Variants in LINGO2 observed in about 807,000 individuals in gnomAD.
LINGO2 encodes the protein leucine-rich repeat and immunoglobulin-like domain-containing nogo receptor-interacting protein 2.
LINGO2 carries 14 observed loss-of-function variants against 30.6 expected under a neutral mutation model. The observed-to-expected ratio is 0.46, with a 90% CI of 0.30 to 0.72. The LOEUF (loss-of-function observed/expected upper bound fraction) is 0.72, where lower values mean the gene tolerates loss of function less well. Ranked by LOEUF, LINGO2 falls within the 30% of genes least tolerant of loss-of-function variation. The pLI is 0.07. For synonymous variants in LINGO2, 317 were observed against 288.5 expected, an observed-to-expected ratio of 1.10 and a Z score of -1.00; for missense variants, 729 against 751.7, an observed-to-expected ratio of 0.97 and a Z score of 0.35.
chr9:28,650,966 G>A (rs1309748644), intron 1 of LINGO2, among the ~76,000 whole-genome samples: 12 of 152,056 alleles, frequency 7.9e-5, no homozygotes, highest in South Asian at 2.1e-4. Context: ...TGAGGTGGGC[G>A]GATCATCAGG....
intron 2 of LINGO2, among the ~76,000 whole-genome samples, chr9:28,460,248 C>G (rs73437492): frequency 2.8e-4 from 43 of 152,258 alleles, no homozygotes; most frequent in African/African-American, 9.6e-4. Context: ...ATACATTATG[C>G]ACAACACTCA....
the LINGO2 span, among the ~76,000 whole-genome samples, chr9:28,744,985 T>A: frequency 6.6e-6 from 1 of 152,006 alleles, no homozygotes; most frequent in Non-Finnish European, 1.5e-5. Context: ...TAGGTCTACA[T>A]AAGCCACTTA....
At chr9:29,106,609 T>A in the LINGO2 span, among the ~76,000 whole-genome samples, 66 of 152,318 alleles carry the variant, frequency 4.3e-4, no homozygotes, top group Non-Finnish European at 8.5e-4. Context: ...ATTTGCTAGC[T>A]GACTGAATAC....
At chr9:28,004,872 G>A (rs758086229) in intron 5 of LINGO2, among the ~76,000 whole-genome samples, 1 of 152,158 alleles carries the variant, frequency 6.6e-6, no homozygotes, top group Non-Finnish European at 1.5e-5. Context: ...TAGCAGGTAT[G>A]TATATAAGAG....
At chr9:28,437,427 G>A (rs1823991076) in intron 2 of LINGO2, among the ~76,000 whole-genome samples, 1 of 151,962 alleles carries the variant, frequency 6.6e-6, no homozygotes, top group East Asian at 1.9e-4. Context: ...ACATGTTACT[G>A]GCATCCCAGG....
the LINGO2 span, among the ~76,000 whole-genome samples, chr9:28,818,820 A>G: frequency 1.3e-5 from 2 of 152,168 alleles, no homozygotes; most frequent in African/African-American, 4.8e-5. Context: ...AAAAAGATAG[A>G]GCTCTCACAT....
the LINGO2 span, among the ~76,000 whole-genome samples, chr9:28,744,609 C>CGTGGGTGTGTGTGTGTGTGT: frequency 7.5e-6 from 1 of 133,954 alleles, no homozygotes; most frequent in Admixed American, 8.1e-5. Flanking sequence ...ATATTCCCCT[C>CGTGGGTGTGTGTGTGTGTGT]GTGTGTGTGT....
chr9:28,552,649 T>C (rs973979455), intron 1 of LINGO2, among the ~76,000 whole-genome samples: 8 of 151,978 alleles, frequency 5.3e-5, no homozygotes, highest in South Asian at 2.1e-4. Flanking sequence ...TTATGATTTT[T>C]TTTTTTCATG....
chr9:28,717,869 T>C, the LINGO2 span, among the ~76,000 whole-genome samples: 1 of 152,032 alleles, frequency 6.6e-6, no homozygotes, highest in Non-Finnish European at 1.5e-5. Context: ...CTTACTATGA[T>C]AGTCAATATA....
chr9:27,956,760 C>T (rs563781244), intron 5 of LINGO2, among the ~76,000 whole-genome samples: 2 of 152,150 alleles, frequency 1.3e-5, no homozygotes, highest in African/African-American at 4.8e-5. Context: ...TTTCCTCCTA[C>T]AGCTATCTAG....
At chr9:29,004,834 G>A in the LINGO2 span, among the ~76,000 whole-genome samples, 1 of 151,822 alleles carries the variant, frequency 6.6e-6, no homozygotes, top group Non-Finnish European at 1.5e-5. Flanking sequence ...TAGTTTCCTT[G>A]AATTAATTGC....
At chr9:28,155,104 G>C (rs981088235) in intron 4 of LINGO2, among the ~76,000 whole-genome samples, 1 of 152,146 alleles carries the variant, frequency 6.6e-6, no homozygotes, top group Non-Finnish European at 1.5e-5. Context: ...GAAAAGATAA[G>C]GAAAATATGC....
chr9:28,750,748 G>T, the LINGO2 span, among the ~76,000 whole-genome samples: 2 of 151,992 alleles, frequency 1.3e-5, no homozygotes, highest in South Asian at 4.1e-4. Context: ...TATAACTCTT[G>T]TTTGAATTAA....
chr9:28,729,101 T>G, the LINGO2 span, among the ~76,000 whole-genome samples: 1 of 152,084 alleles, frequency 6.6e-6, no homozygotes, highest in Non-Finnish European at 1.5e-5. Flanking sequence ...ATATTCAGAG[T>G]TGAATCTTGA....
chr9:29,066,496 T>C, the LINGO2 span, among the ~76,000 whole-genome samples: 2 of 151,980 alleles, frequency 1.3e-5, no homozygotes, highest in South Asian at 4.1e-4. Flanking sequence ...GTACTCAGTG[T>C]ATTTGCGATC....
intron 4 of LINGO2, among the ~76,000 whole-genome samples, chr9:28,106,809 A>G (rs1452342): frequency 0.99 from 151,513 of 152,294 alleles, 75,374 homozygotes; most frequent in Middle Eastern, 1. Context: ...TATATCACAG[A>G]GCTTTTGGGA....
intron 2 of LINGO2, among the ~76,000 whole-genome samples, chr9:28,396,599 G>C (rs1446817773): frequency 6.6e-6 from 1 of 150,824 alleles, no homozygotes; most frequent in Admixed American, 6.7e-5. Flanking sequence ...AGCTACTTGG[G>C]AGGCTGAGGC....
chr9:28,512,624 T>C lies in LINGO2; in HGVS notation c.-364-36599A>G, dbSNP rs1430397394. Among the ~76,000 whole-genome samples, 30 of 7,422 alleles carry C rather than the reference T, an allele frequency of 4.0e-3. 2 individuals carry two copies. The highest frequency in any genetic ancestry group is 6.5e-3 in the African/African-American group (29 of 4,488). 4.9% of individuals were successfully genotyped at this position (7,422 alleles called of 152,430 possible). A position where few individuals can be genotyped will look rare whatever the true frequency, so the allele number is the denominator to read the frequency against. ...ATATATATATATATATATATATATA[T>C]ATATATATATATACACACATACATA... On this transcript the variant is annotated intron_variant, in intron 1 of 5. Coordinates refer to ENST00000379992, the Ensembl canonical transcript of LINGO2.
At chr9:29,090,070 CTTAA>C in the LINGO2 span, among the ~76,000 whole-genome samples, 1 of 151,684 alleles carries the variant, frequency 6.6e-6, no homozygotes, top group Non-Finnish European at 1.5e-5. Context: ...TAAATTATAA[CTTAA>C]TTATATATTA....
Sources: allele counts gnomAD v4.1 joint callset (sites outside exome capture counted in the v4.1 genomes callset), GRCh38; gene constraint gnomAD v4.1.1; transcripts MANE v1.5; gene names NCBI Gene and HGNC (gene_info 2026-07-23, HGNC 2026-07-21).